Variants in NAV2 observed in about 807,000 individuals in gnomAD.
NAV2 encodes neuron navigator 2.
NAV2 carries 54 observed loss-of-function variants against 223.2 expected under a neutral mutation model. The observed-to-expected ratio is 0.24, with a 90% confidence interval of 0.19 to 0.30. NAV2 has a LOEUF of 0.30. Ranked by LOEUF, NAV2 falls within the 10% of genes least tolerant of loss-of-function variation. The pLI, the probability that NAV2 is intolerant of heterozygous loss-of-function variation, is 1.00. For missense variants in NAV2, 2,806 were observed against 3,147.5 expected (o/e 0.89, Z 2.60); for synonymous variants, 1,279 against 1,239.3 (o/e 1.03, Z -0.67).
chr11:20,038,127 C>T (rs1479227487), intron 12 of NAV2, among the ~76,000 whole-genome samples: 1 of 152,188 alleles, frequency 6.6e-6, no homozygotes, highest in Non-Finnish European at 1.5e-5. Context: ...GAATTGAAAT[C>T]TCTGGTTCCA....
At chr11:20,068,702 C>T (rs947733478) in intron 22 of NAV2, among the ~76,000 whole-genome samples, 1 of 152,160 alleles carries the variant, frequency 6.6e-6, no homozygotes, top group Non-Finnish European at 1.5e-5. Flanking sequence ...ATCTTAATTT[C>T]TCTTCCTCTT....
intron 1 of NAV2, among the ~76,000 whole-genome samples, chr11:19,414,231 A>C (rs1032653123): frequency 6.6e-6 from 1 of 152,256 alleles, no homozygotes; most frequent in Non-Finnish European, 1.5e-5. Flanking sequence ...ATATTTACCA[A>C]GCAAATGGAA....
intron 1 of NAV2, among the ~76,000 whole-genome samples, chr11:19,392,516 CGT>C (rs1849289833): frequency 6.6e-6 from 1 of 152,014 alleles, no homozygotes; most frequent in African/African-American, 2.4e-5. Flanking sequence ...GTGGCCTGTC[CGT>C]GTGGCCTGGC....
intron 11 of NAV2, among the ~76,000 whole-genome samples, chr11:20,002,334 C>T (rs932164102): frequency 6.6e-6 from 1 of 152,256 alleles, no homozygotes; most frequent in African/African-American, 2.4e-5. Context: ...GCTTTGGGGA[C>T]ACAGAGGCCT....
intron 11 of NAV2, 145 bp downstream of exon 11, chr11:19,984,392 A>G: frequency 7.7e-7 from 1 of 1,303,226 alleles, no homozygotes; most frequent in Non-Finnish European, 1.1e-6. Context: ...ACCTGGGGTT[A>G]GGAGCAGGTA....
chr11:19,538,674 TC>T (rs1179986664), intron 1 of NAV2, among the ~76,000 whole-genome samples: 5 of 148,254 alleles, frequency 3.4e-5, no homozygotes, highest in Non-Finnish European at 5.9e-5. Context: ...ATTATAACTT[TC>T]TTTTTTTTTT....
chr11:19,969,903 A>G lies in NAV2; in HGVS notation c.2646-14222A>G, dbSNP rs566025897. Among the ~76,000 whole-genome samples, 16 of 151,666 alleles carry G rather than the reference A, an allele frequency of 1.1e-4. No individual in the cohort carries two copies. In the East Asian group the frequency reaches 3.1e-3, roughly 30 times the overall value. ...GGAGCTTGCAGTGAGCCGAGATAGCACCACTGCACTCCAGCCTTGGTGACA... is the reference window on the plus strand; with the variant it reads ...GGAGCTTGCAGTGAGCCGAGATAGCGCCACTGCACTCCAGCCTTGGTGACA... On this transcript the variant is annotated intron_variant, in intron 10 of 37. Transcript: ENST00000349880.
chr11:19,493,610 C>G (rs1287328888), intron 1 of NAV2, among the ~76,000 whole-genome samples: 2 of 152,170 alleles, frequency 1.3e-5, no homozygotes, highest in African/African-American at 4.8e-5. Flanking sequence ...CAGAAAGCAC[C>G]TCCCCTGCCA....
chr11:19,652,273 C>A (rs939848175), intron 1 of NAV2, among the ~76,000 whole-genome samples: 1 of 152,120 alleles, frequency 6.6e-6, no homozygotes, highest in South Asian at 2.1e-4. Flanking sequence ...CATCCTCATT[C>A]CAGGGCTGCT....
intron 11 of NAV2, among the ~76,000 whole-genome samples, chr11:20,018,353 CAAAAA>C (rs34251713): frequency 2.3e-5 from 2 of 87,998 alleles, no homozygotes; most frequent in Admixed American, 1.5e-4. Flanking sequence ...GATTCCATCT[CAAAAA>C]AAAAAAAAAA....
At chr11:19,815,900 T>C (rs1418605452) in intron 1 of NAV2, among the ~76,000 whole-genome samples, 1 of 152,184 alleles carries the variant, frequency 6.6e-6, no homozygotes, top group Non-Finnish European at 1.5e-5. Context: ...GTTAGGACTT[T>C]ATTATTCTTC....
intron 19 of NAV2, among the ~76,000 whole-genome samples, chr11:20,057,097 G>A (rs1208076514): frequency 1.3e-5 from 2 of 152,124 alleles, no homozygotes; most frequent in African/African-American, 4.8e-5. Context: ...TGTTGCCATT[G>A]AAAAAGCAGA....
chr11:19,972,661 C>T (rs1591486084), intron 10 of NAV2, among the ~76,000 whole-genome samples: 1 of 152,278 alleles, frequency 6.6e-6, no homozygotes, highest in South Asian at 2.1e-4. Flanking sequence ...TGGCAGACAC[C>T]TTCAAGATGC....
At chr11:20,016,229 C>T (rs1228008151) in intron 11 of NAV2, among the ~76,000 whole-genome samples, 1 of 152,166 alleles carries the variant, frequency 6.6e-6, no homozygotes, top group African/African-American at 2.4e-5. Flanking sequence ...GAAAAGACAT[C>T]CCTGATGTTG....
chr11:19,797,127 C>A (rs1261264358), intron 1 of NAV2, among the ~76,000 whole-genome samples: 1 of 152,122 alleles, frequency 6.6e-6, no homozygotes, highest in Non-Finnish European at 1.5e-5. Flanking sequence ...GAGGATCGAG[C>A]AGGAGAATGT....
chr11:19,973,865 C>T (rs1274186270), intron 10 of NAV2, among the ~76,000 whole-genome samples: 1 of 152,236 alleles, frequency 6.6e-6, no homozygotes, highest in Non-Finnish European at 1.5e-5. Context: ...CCTAATACTG[C>T]TCCCTCTTGC....
In NAV2 at chr11:19,721,239, C is replaced by A. The variant is rs74687835; in HGVS notation, c.267+7277C>A. ...TCCTTTAGCTTGGTAATACATATGCCATTTGACTCCTCCCCCTGCCCTAGA... is the reference window on the plus strand; with the variant it reads ...TCCTTTAGCTTGGTAATACATATGCAATTTGACTCCTCCCCCTGCCCTAGA... On this transcript the variant is annotated intron_variant, in intron 1 of 37. Coordinates refer to ENST00000349880, the MANE Select transcript of NAV2 (RefSeq NM_145117.5). Among the ~76,000 whole-genome samples the A allele has an allele frequency of 3.9e-3, 588 of 152,284 alleles. 28 individuals carry two copies. In the East Asian group the frequency reaches 0.078, roughly 20 times the overall value.
intron 1 of NAV2, among the ~76,000 whole-genome samples, chr11:19,437,648 A>G (rs1174922595): frequency 6.6e-6 from 1 of 152,148 alleles, no homozygotes; most frequent in Non-Finnish European, 1.5e-5. Context: ...AGGTTGTTGC[A>G]TTTCATCAAA....
At chr11:20,053,218 GAAAAAAAAAAAAAAAAA>G (rs60421659) in intron 17 of NAV2, among the ~76,000 whole-genome samples, 1 of 40,974 alleles carries the variant, frequency 2.4e-5, no homozygotes, top group Non-Finnish European at 4.1e-5. Flanking sequence ...ACTACGTCTC[GAAAAAAAAAAAAAAAAA>G]AAAAAAAAGG....
Sources: gnomAD v4.1 joint callset for allele counts (sites outside exome capture counted in the v4.1 genomes callset) on GRCh38, gnomAD v4.1.1 for gene constraint, MANE v1.5 for transcripts, NCBI Gene and HGNC (gene_info 2026-07-23, HGNC 2026-07-21) for gene names.